Variants in TXNDC11 observed in about 807,000 individuals in gnomAD.
TXNDC11 encodes thioredoxin domain containing 11, also known as thioredoxin domain-containing protein 11.
Under a neutral mutation model 78.0 loss-of-function variants are expected in TXNDC11, and 68 were observed. The observed-to-expected ratio is 0.87, with a 90% CI of 0.72 to 1.07. The LOEUF (loss-of-function observed/expected upper bound fraction) is 1.07, where lower values mean the gene tolerates loss of function less well. TXNDC11 is among the 50% of genes least tolerant of loss of function. The pLI, the probability that TXNDC11 is intolerant of heterozygous loss-of-function variation, is 0.00. For missense variants in TXNDC11, 1,389 were observed against 1,221.8 expected (o/e 1.14, Z -2.04); for synonymous variants, 571 against 495.2 (o/e 1.15, Z -2.03).
rs1488722987 is a variant in TXNDC11 at position 11,691,645 on chromosome 16, A to G, written c.1545T>C (p.Gly515=). ...YTACCRTISR[G]VSGFIDSEQG... ...GTTCAGAGTCGATGAAGCCTGACAC[A>G]CCCCTGCTTATGGTCCTGCAACATG... The change falls in exon 8 of 12, where the codon GGT becomes GGC. Residue 515 remains glycine (G), a synonymous_variant. Transcript: ENST00000283033. 1 of 1,614,144 alleles carries G rather than the reference A, an allele frequency of 6.2e-7. No individual in the cohort carries two copies. Among genetic ancestry groups the G allele is most frequent in the Non-Finnish European group, 8.5e-7 (1 of 1,180,034 alleles).
intron 8 of TXNDC11, among the ~76,000 whole-genome samples, chr16:11,689,493 T>G (rs2050654126): frequency 6.6e-6 from 1 of 152,230 alleles, no homozygotes; most frequent in South Asian, 2.1e-4. Flanking sequence ...ATTTATGAGT[T>G]AAGTCTCTAA....
At chr16:11,739,588 G>C (rs781553481) in intron 1 of TXNDC11, among the ~76,000 whole-genome samples, 8 of 152,048 alleles carry the variant, frequency 5.3e-5, no homozygotes, top group Admixed American at 2.0e-4. Context: ...TCACTTCCTT[G>C]CAAAGACCAT....
intron 5 of TXNDC11, among the ~76,000 whole-genome samples, chr16:11,718,358 C>T (rs1044371463): frequency 6.6e-6 from 1 of 152,166 alleles, no homozygotes; most frequent in African/African-American, 2.4e-5. Context: ...CTTTCTACTA[C>T]AACAGTCTAA....
rs770189063 is a variant in TXNDC11, at chr16:11,687,982, G to C, written c.2044-16C>G. 1.9e-6 allele frequency: 3 copies of C among 1,575,440 alleles called. No homozygotes were observed. The South Asian group carries it at 3.3e-5, about 18-fold the overall frequency. On this transcript the variant is annotated splice_polypyrimidine_tract_variant and intron_variant, in intron 9 of 11. Transcript: ENST00000283033. ...GGAGAACGTCCTGTGGGAAAGGGAA[G>C]ACAGATGTTACTTGCACCGGGAAAT... is the stretch of plus-strand genomic sequence containing the variant.
At chr16:11,692,428 AG>A (rs1471588244) in intron 7 of TXNDC11, among the ~76,000 whole-genome samples, 7 of 152,146 alleles carry the variant, frequency 4.6e-5, no homozygotes, top group African/African-American at 1.7e-4. Context: ...ATTTATTAGA[AG>A]GGCCCCCAAA....
At position 11,679,213 on chromosome 16, in the gene TXNDC11, C is replaced by G. The variant is rs2141946102; in HGVS notation, c.2859G>C (p.Lys953Asn). Residue 953 changes from lysine to asparagine, a missense_variant, in exon 12 of 12, where the codon AAG (lysine) becomes AAC (asparagine). Transcript: ENST00000283033. This position sits in a 1 kb window ranked among gnomAD's most constrained non-coding sequence, Gnocchi z 4.6. Reference protein sequence around the residue: ...VSATLVSERNKENRTD With the variant: ...VSATLVSERNNENRTD ...TAAAAAGTTAGTCTGTCCTGTTCTC[C>G]TTATTCCTTTCAGACACCAGTGTGG... The G allele has an allele frequency of 6.2e-7, 1 of 1,613,820 alleles. No individual in the cohort carries two copies.
At chr16:11,684,375 TG>T in intron 10 of TXNDC11, 130 bp from the exon 11 acceptor site, 1 of 630,082 alleles carries the variant, frequency 1.6e-6, no homozygotes, top group Non-Finnish European at 2.9e-6. Flanking sequence ...CCCTTCTCGA[TG>T]AATGTACTAC....
chr16:11,705,724 A>AT (rs1567318646), intron 5 of TXNDC11, among the ~76,000 whole-genome samples: 1 of 152,254 alleles, frequency 6.6e-6, no homozygotes, highest in East Asian at 1.9e-4. Flanking sequence ...TTTTTCACAC[A>AT]TAACAGAAAT....
intron 3 of TXNDC11, among the ~76,000 whole-genome samples, chr16:11,731,800 G>A (rs541890176): frequency 3.9e-5 from 6 of 152,052 alleles, no homozygotes; most frequent in East Asian, 3.9e-4. Context: ...GAAAAACAGC[G>A]TTCTCTACAT....
rs1322942977 is a variant in TXNDC11 at position 11,691,971 on chromosome 16, C to T, written c.1219G>A (p.Glu407Lys). The T allele has an allele frequency of 6.2e-7, 1 of 1,605,314 alleles. No homozygotes were observed. The highest frequency in any genetic ancestry group is 8.5e-7 in the Non-Finnish European group (1 of 1,174,622). ...GGGTCTGGCAGCTGTGCCGGCACTT[C>T]CAGGGCCAGGGACTCCAGCACTGGA... is the stretch of plus-strand genomic sequence containing the variant. Reference protein sequence around the residue: ...DAPVLESLALEVPAQLPDPPT... With the variant: ...DAPVLESLALKVPAQLPDPPT... Residue 407 changes from glutamate (E) to lysine (K), a missense_variant, in exon 8 of 12, where the codon GAA becomes AAA. Physicochemically the swap from Glu to Lys is moderately conservative, Grantham distance 56. Transcript: ENST00000283033.
intron 7 of TXNDC11, 199 bp from the exon 8 acceptor site, chr16:11,692,281 C>T: frequency 1.9e-6 from 1 of 513,690 alleles, no homozygotes. Context: ...GAAATTTTTG[C>T]CATTACAAAA....
intron 7 of TXNDC11, among the ~76,000 whole-genome samples, chr16:11,692,692 G>A (rs151098937): frequency 3.9e-5 from 6 of 152,252 alleles, no homozygotes; most frequent in Admixed American, 6.5e-5. Flanking sequence ...CCAAGAATAC[G>A]CAGCAGGGTA....
intron 7 of TXNDC11, 118 bp downstream of exon 7, chr16:11,698,007 C>G (rs993708523): frequency 2.1e-6 from 2 of 936,732 alleles, no homozygotes; most frequent in East Asian, 2.4e-5. Flanking sequence ...AGAGCCACAG[C>G]TGCCCCTCGT....
At chr16:11,740,396 C>T (rs767798841) in intron 1 of TXNDC11, among the ~76,000 whole-genome samples, 10 of 152,172 alleles carry the variant, frequency 6.6e-5, no homozygotes, top group Non-Finnish European at 1.5e-4. Flanking sequence ...ATTCTCCTTG[C>T]CTGAAGCAAG....
chr16:11,712,821 T>C (rs916556452), intron 5 of TXNDC11, among the ~76,000 whole-genome samples: 3 of 151,468 alleles, frequency 2.0e-5, no homozygotes, highest in Non-Finnish European at 2.9e-5. Flanking sequence ...CCAGGAGTGG[T>C]GGACGCCTGT....
intron 4 of TXNDC11, among the ~76,000 whole-genome samples, chr16:11,726,639 T>C (rs1302606830): frequency 8.0e-5 from 12 of 150,230 alleles, no homozygotes; most frequent in Non-Finnish European, 1.5e-5. Context: ...ATCATCTGAA[T>C]AGGCCTTTGA....
intron 5 of TXNDC11, among the ~76,000 whole-genome samples, chr16:11,714,314 GT>G (rs959731457): frequency 2.0e-5 from 3 of 152,132 alleles, no homozygotes; most frequent in Non-Finnish European, 4.4e-5. Context: ...GTGAGCCACC[GT>G]GCCCCGCCAA....
rs79300818 is a variant in TXNDC11 at position 11,700,984 on chromosome 16, T to C, written c.794-420A>G. On this transcript the variant is annotated intron_variant, in intron 5 of 11. Transcript: ENST00000283033. Reference sequence around the variant, plus strand: ...TGACCACCCCACCTAACAGCTAATATTTAGGGGAGAGAGTTTACAAAGGGA... The same window carrying C: ...TGACCACCCCACCTAACAGCTAATACTTAGGGGAGAGAGTTTACAAAGGGA... Among the ~76,000 whole-genome samples the C allele has an allele frequency of 4.7e-3, 716 of 152,196 alleles. 7 individuals carry two copies. The highest frequency in any genetic ancestry group is 0.016 in the African/African-American group (673 of 41,514).
At position 11,687,983 on chromosome 16, in the gene TXNDC11, A is replaced by G; in HGVS notation, c.2044-17T>C. On this transcript the variant is annotated splice_polypyrimidine_tract_variant and intron_variant, in intron 9 of 11. Transcript: ENST00000283033. ...GAGAACGTCCTGTGGGAAAGGGAAG[A>G]CAGATGTTACTTGCACCGGGAAATG... The G allele has an allele frequency of 6.4e-7, 1 of 1,567,082 alleles. No individual in the cohort carries two copies. Among genetic ancestry groups the G allele is most frequent in the East Asian group, 2.2e-5 (1 of 44,542 alleles).
Sources: gnomAD v4.1 joint callset for allele counts (sites outside exome capture counted in the v4.1 genomes callset) on GRCh38, gnomAD v4.1.1 for gene constraint, Gnocchi (gnomAD v3.1) non-coding constraint, MANE v1.5 for transcripts, NCBI Gene and HGNC (gene_info 2026-07-23, HGNC 2026-07-21) for gene names.